Variants in DYNLT2 observed in about 807,000 individuals in gnomAD.
The protein encoded by DYNLT2 is dynein light chain Tctex-type 2.
DYNLT2 carries 24 observed loss-of-function variants against 24.3 expected under a neutral mutation model. The observed-to-expected ratio is 0.99, with a 90% CI of 0.71 to 1.39. The LOEUF (loss-of-function observed/expected upper bound fraction) is 1.39, where lower values mean the gene tolerates loss of function less well. Ranked by LOEUF, DYNLT2 falls within the 40% of genes most tolerant of loss-of-function variation. DYNLT2 has a pLI of 0.00. For missense variants in DYNLT2, 246 were observed against 234.5 expected (o/e 1.05, Z -0.32); for synonymous variants, 85 against 85.4 (o/e 1.00, Z 0.03).
At chr6:169,742,563 G>A (rs905682150) in intron 3 of DYNLT2, among the ~76,000 whole-genome samples, 3 of 152,134 alleles carry the variant, frequency 2.0e-5, no homozygotes, top group African/African-American at 7.2e-5. Flanking sequence ...GAATAGCAGT[G>A]CAATTTAATA....
chr6:169,740,724 C>T (rs1401547662), intron 3 of DYNLT2, among the ~76,000 whole-genome samples: 2 of 151,998 alleles, frequency 1.3e-5, no homozygotes, highest in Non-Finnish European at 2.9e-5. Flanking sequence ...CTGTTACGGA[C>T]AATTCTAACT....
chr6:169,730,454 A>G, the DYNLT2 span, among the ~76,000 whole-genome samples: 2 of 152,186 alleles, frequency 1.3e-5, no homozygotes, highest in Admixed American at 1.3e-4. Context: ...TAAGTCATCA[A>G]AGATTGAGAG....
the DYNLT2 span, among the ~76,000 whole-genome samples, chr6:169,729,147 C>T: frequency 6.3e-3 from 956 of 152,256 alleles, 14 homozygotes; most frequent in African/African-American, 0.022. Flanking sequence ...AAATTTATTA[C>T]AGTCTTCAGT....
downstream of DYNLT2, among the ~76,000 whole-genome samples, chr6:169,736,685 G>C (rs1235365042): frequency 6.6e-6 from 1 of 152,192 alleles, no homozygotes; most frequent in Non-Finnish European, 1.5e-5. Context: ...GATGTCGGCT[G>C]TTAGTCTGAT....
the DYNLT2 span, among the ~76,000 whole-genome samples, chr6:169,732,955 G>A: frequency 3.3e-5 from 5 of 151,932 alleles, no homozygotes; most frequent in Admixed American, 6.6e-5. Flanking sequence ...CATTGTTTTC[G>A]GACTTTTTAA....
chr6:169,729,520 A>G, the DYNLT2 span, among the ~76,000 whole-genome samples: 1 of 152,212 alleles, frequency 6.6e-6, no homozygotes, highest in African/African-American at 2.4e-5. Context: ...TTGTAAACTG[A>G]AAAACTGAGT....
At chr6:169,735,327 CT>C (rs1789539847), downstream of DYNLT2, among the ~76,000 whole-genome samples, 1 of 151,970 alleles carries the variant, frequency 6.6e-6, no homozygotes, top group African/African-American at 2.4e-5. Flanking sequence ...CTTCTGCTAG[CT>C]TTTGGATTAG....
chr6:169,733,503 T>C, the DYNLT2 span, among the ~76,000 whole-genome samples: 1 of 152,206 alleles, frequency 6.6e-6, no homozygotes, highest in East Asian at 1.9e-4. Flanking sequence ...TTTCTGCATA[T>C]GGCTAGCCAG....
chr6:169,738,240 C>CAAGT (rs1789601398), downstream of DYNLT2, among the ~76,000 whole-genome samples: 1 of 152,200 alleles, frequency 6.6e-6, no homozygotes, highest in Admixed American at 6.5e-5. Flanking sequence ...TAGGCAGTTG[C>CAAGT]AAGTCCCAGT....
At chr6:169,751,317 C>T in intron 1 of DYNLT2, 22 bp downstream of exon 1, 4 of 1,609,806 alleles carry the variant, frequency 2.5e-6, no homozygotes, top group Non-Finnish European at 3.4e-6. Context: ...CGTCTCGGGC[C>T]CCTAGCAGTC....
At chr6:169,726,665 ATTAG>A in the DYNLT2 span, among the ~76,000 whole-genome samples, 2 of 152,322 alleles carry the variant, frequency 1.3e-5, no homozygotes, top group East Asian at 1.9e-4. Context: ...TCAAAGGTAA[ATTAG>A]TTAATCTCTC....
intron 1 of DYNLT2, among the ~76,000 whole-genome samples, chr6:169,745,122 T>C (rs1216517246): frequency 2.0e-5 from 3 of 151,954 alleles, no homozygotes; most frequent in African/African-American, 7.3e-5. Context: ...TGAGACAGTC[T>C]TGCTCAGTCG....
the DYNLT2 span, among the ~76,000 whole-genome samples, chr6:169,734,920 G>A: frequency 6.6e-6 from 1 of 152,000 alleles, no homozygotes; most frequent in African/African-American, 2.4e-5. Context: ...TCTTGCCCTG[G>A]GCTTTTTTTG....
At chr6:169,748,799 A>G (rs1324245337) in intron 1 of DYNLT2, among the ~76,000 whole-genome samples, 5 of 152,188 alleles carry the variant, frequency 3.3e-5, no homozygotes, top group African/African-American at 9.6e-5. Flanking sequence ...CCTGAAAATA[A>G]CCATTAATGC....
At chr6:169,744,001 T>G (rs1789735967) in intron 2 of DYNLT2, 67 bp downstream of exon 2, 1 of 1,452,358 alleles carries the variant, frequency 6.9e-7, no homozygotes, top group Admixed American at 1.8e-5. Flanking sequence ...TTTCTTCGTA[T>G]ATATAATTTC....
chr6:169,735,782 G>C (rs907300908), downstream of DYNLT2, among the ~76,000 whole-genome samples: 3 of 152,216 alleles, frequency 2.0e-5, no homozygotes, highest in African/African-American at 7.2e-5. Context: ...AGAAAGGTCT[G>C]TAGACGTCTA....
At chr6:169,733,221 C>G in the DYNLT2 span, among the ~76,000 whole-genome samples, 1 of 151,270 alleles carries the variant, frequency 6.6e-6, no homozygotes, top group Non-Finnish European at 1.5e-5. Flanking sequence ...AAAATTTTCT[C>G]CCATTCTGTA....
At position 169,744,045 on chromosome 6, in the gene DYNLT2, A is replaced by G. The variant is rs768193698; in HGVS notation, c.327+23T>C. Reference sequence around the variant, plus strand: ...TGTAGAACCCTCATACAATACTGCTATCATATATATTTATCAACCTACTGT... The same window carrying G: ...TGTAGAACCCTCATACAATACTGCTGTCATATATATTTATCAACCTACTGT... On this transcript the variant is annotated intron_variant, in intron 2 of 3. Transcript: ENST00000366774. 2.5e-6 allele frequency: 4 copies of G among 1,599,382 alleles called. No individual in the cohort carries two copies. In the Admixed American group the frequency reaches 6.7e-5, roughly 27 times the overall value.
chr6:169,727,737 G>C, the DYNLT2 span, among the ~76,000 whole-genome samples: 1 of 151,974 alleles, frequency 6.6e-6, no homozygotes, highest in African/African-American at 2.4e-5. Flanking sequence ...CTAATTTTTT[G>C]TATTTTTAGT....
Sources: gnomAD v4.1 joint callset for allele counts (sites outside exome capture counted in the v4.1 genomes callset) on GRCh38, gnomAD v4.1.1 for gene constraint, MANE v1.5 for transcripts, NCBI Gene and HGNC (gene_info 2026-07-23, HGNC 2026-07-21) for gene names.